The following ANKS1A variants were observed in gnomAD, a reference collection of about 807,000 sequenced individuals.
The protein encoded by ANKS1A is ankyrin repeat and SAM domain-containing protein 1A.
A neutral mutation model predicts 120.3 loss-of-function variants in ANKS1A; 55 were observed. That is an observed-to-expected ratio of 0.46 (90% confidence interval 0.37 to 0.57). ANKS1A has a LOEUF of 0.57. ANKS1A is among the 20% of genes least tolerant of loss of function. The pLI, the probability that ANKS1A is intolerant of heterozygous loss-of-function variation, is 0.00. For missense variants in ANKS1A, 1,123 were observed against 1,480.3 expected, an observed-to-expected ratio of 0.76 and a Z score of 3.96; for synonymous variants, 590 against 604.7, an observed-to-expected ratio of 0.98 and a Z score of 0.36.
In ANKS1A at chr6:35,044,866, T is replaced by C. The variant is rs1775640784; in HGVS notation, c.2011-9233T>C. 2.0e-5 allele frequency among the ~76,000 whole-genome samples: 3 copies of C among 152,340 alleles called. No individual in the cohort carries two copies. The South Asian group carries it at 6.2e-4, about 32-fold the overall frequency. ...CAAGCCCTGTCTAATCGCTGTAAAC[T>C]GAAATGTGCAAGGGAGGAGGGTGGT... On this transcript the variant is annotated intron_variant, in intron 11 of 23. Transcript: ENST00000360359. The surrounding 1 kb of genome is among the most constrained non-coding windows in gnomAD (Gnocchi z 4.4).
intron 7 of ANKS1A, among the ~76,000 whole-genome samples, chr6:34,983,984 CAG>C (rs1389252024): frequency 6.6e-6 from 1 of 151,968 alleles, no homozygotes; most frequent in Non-Finnish European, 1.5e-5. Flanking sequence ...TTAGTAGAGA[CAG>C]GGTTTCACCA....
At chr6:35,037,607 C>T (rs1326935917) in intron 11 of ANKS1A, among the ~76,000 whole-genome samples, 1 of 152,112 alleles carries the variant, frequency 6.6e-6, no homozygotes, top group Non-Finnish European at 1.5e-5. Flanking sequence ...TATTTATGTA[C>T]CACTTCCAGT....
chr6:35,075,855 A>G (rs1777326925), intron 13 of ANKS1A, among the ~76,000 whole-genome samples: 1 of 152,186 alleles, frequency 6.6e-6, no homozygotes, highest in Non-Finnish European at 1.5e-5. Flanking sequence ...TTAATCTCCC[A>G]GGCTCAAGTG....
chr6:34,922,042 G>GGT (rs1249338512), intron 1 of ANKS1A, among the ~76,000 whole-genome samples: 1 of 144,832 alleles, frequency 6.9e-6, no homozygotes, highest in Non-Finnish European at 1.5e-5. Context: ...TTTGAGATAG[G>GGT]GTCTCCTTGT....
chr6:34,959,323 T>C (rs1770522421), intron 1 of ANKS1A, among the ~76,000 whole-genome samples: 1 of 152,218 alleles, frequency 6.6e-6, no homozygotes, highest in African/African-American at 2.4e-5. Flanking sequence ...CATGTCATAC[T>C]GGGGTAATGT....
intron 2 of ANKS1A, among the ~76,000 whole-genome samples, chr6:34,967,800 T>G (rs766395889): frequency 1.3e-4 from 20 of 152,014 alleles, no homozygotes; most frequent in Non-Finnish European, 2.5e-4. Flanking sequence ...CTTTCTTTCA[T>G]GTATAATTTA....
rs377071841 is a variant in ANKS1A, at chr6:34,982,004, G to T, written c.732+18G>T. On this transcript the variant is annotated intron_variant, in intron 4 of 23. Coordinates refer to ENST00000360359, the MANE Select transcript of ANKS1A (RefSeq NM_015245.3). This position sits in a 1 kb window ranked among gnomAD's most constrained non-coding sequence, Gnocchi z 4.9. ...ACTACCAGGTAGCAGGGCGGGTGGG[G>T]GCTCCTCCAATCTCAAGAGACTCAG... is the stretch of plus-strand genomic sequence containing the variant. The T allele has an allele frequency of 1.9e-6, 3 of 1,611,800 alleles. No individual in the cohort carries two copies. The highest frequency in any genetic ancestry group is 2.7e-5 in the African/African-American group (2 of 74,866).
chr6:34,962,692 G>A (rs1466631886), intron 1 of ANKS1A, among the ~76,000 whole-genome samples: 7 of 151,828 alleles, frequency 4.6e-5, no homozygotes, highest in Non-Finnish European at 8.8e-5. Flanking sequence ...AGGAGGCTGA[G>A]GCAGGAGAAT....
chr6:34,906,937 T>C (rs575453439), intron 1 of ANKS1A, among the ~76,000 whole-genome samples: 1 of 152,336 alleles, frequency 6.6e-6, no homozygotes, highest in East Asian at 1.9e-4. Context: ...TGGTAGCCAC[T>C]GCCTTTACCG....
intron 13 of ANKS1A, among the ~76,000 whole-genome samples, chr6:35,061,894 T>G (rs1336616702): frequency 6.6e-6 from 1 of 152,148 alleles, no homozygotes; most frequent in Non-Finnish European, 1.5e-5. Context: ...AACTCACCCC[T>G]TCCTCAGGCT....
At chr6:34,996,735 T>G (rs1772875093) in intron 10 of ANKS1A, among the ~76,000 whole-genome samples, 1 of 152,230 alleles carries the variant, frequency 6.6e-6, no homozygotes, top group African/African-American at 2.4e-5. Context: ...CCTCCCAAAG[T>G]GCTGGGATAA....
intron 10 of ANKS1A, among the ~76,000 whole-genome samples, chr6:34,999,167 G>A (rs1773016963): frequency 6.6e-6 from 1 of 152,242 alleles, no homozygotes; most frequent in Non-Finnish European, 1.5e-5. Flanking sequence ...CATCCACGGT[G>A]TGCCTTTATC....
downstream of ANKS1A, among the ~76,000 whole-genome samples, chr6:35,092,955 G>A (rs1379749826): frequency 6.6e-6 from 1 of 152,012 alleles, no homozygotes; most frequent in African/African-American, 2.4e-5. Flanking sequence ...ACTTTCCAAG[G>A]CAGCTCAAAA....
At position 35,074,850 on chromosome 6, in the gene ANKS1A, G is replaced by A. The variant is rs184726729; in HGVS notation, c.2185-3708G>A. Among the ~76,000 whole-genome samples the A allele has an allele frequency of 1.3e-4, 20 of 152,338 alleles. No individual in the cohort carries two copies. In the South Asian group the frequency reaches 3.3e-3, roughly 25 times the overall value. On this transcript the variant is annotated intron_variant, in intron 13 of 23. Transcript: ENST00000360359. Reference sequence around the variant, plus strand: ...CTGGCAGTGTCCTCTGTGGGACAACGTTTATGTCACCATGCACAGGCTCTG... The same window carrying A: ...CTGGCAGTGTCCTCTGTGGGACAACATTTATGTCACCATGCACAGGCTCTG...
intron 1 of ANKS1A, among the ~76,000 whole-genome samples, chr6:34,915,986 C>CTTTTTTTTTTTTTTT (rs202041070): frequency 9.6e-6 from 1 of 104,578 alleles, no homozygotes; most frequent in Non-Finnish European, 1.9e-5. Context: ...ATGTCTGGAT[C>CTTTTTTTTTTTTTTT]TTTTTTTTTT....
At chr6:34,893,223 T>G (rs997180266) in intron 1 of ANKS1A, among the ~76,000 whole-genome samples, 7 of 152,212 alleles carry the variant, frequency 4.6e-5, no homozygotes, top group African/African-American at 1.7e-4. Flanking sequence ...AAGTCCTCAG[T>G]CTTAGTCATC....
At chr6:34,895,780 C>CTTTTTTTTTTTTTTTT (rs995285475) in intron 1 of ANKS1A, among the ~76,000 whole-genome samples, 5 of 90,410 alleles carry the variant, frequency 5.5e-5, no homozygotes, top group African/African-American at 1.4e-4. Flanking sequence ...GAATGTCTTT[C>CTTTTTTTTTTTTTTTT]TTTTTTTTTT....
At position 35,003,247 on chromosome 6, in the gene ANKS1A, C is replaced by G. The variant is rs376210696; in HGVS notation, c.1423+8825C>G. On this transcript the variant is annotated intron_variant, in intron 10 of 23. Transcript: ENST00000360359. Reference sequence around the variant, plus strand: ...GACAGCTCATGGGGATACCAGACCCCCATTTACATGCTCAACCGAATCATA... The same window carrying G: ...GACAGCTCATGGGGATACCAGACCCGCATTTACATGCTCAACCGAATCATA... 1.7e-4 allele frequency among the ~76,000 whole-genome samples: 26 copies of G among 152,208 alleles called. No homozygotes were observed. In the East Asian group the frequency reaches 4.6e-3, roughly 27 times the overall value.
At chr6:34,897,307 A>G (rs1294220954) in intron 1 of ANKS1A, among the ~76,000 whole-genome samples, 2 of 152,166 alleles carry the variant, frequency 1.3e-5, no homozygotes, top group African/African-American at 2.4e-5. Flanking sequence ...AGTGAAAGTT[A>G]CATTCTTGGC....
Sources: allele counts gnomAD v4.1 joint callset (sites outside exome capture counted in the v4.1 genomes callset), GRCh38; gene constraint gnomAD v4.1.1; non-coding constraint Gnocchi (gnomAD v3.1); transcripts MANE v1.5; gene names NCBI Gene and HGNC (gene_info 2026-07-23, HGNC 2026-07-21).